The following CRCP variants were observed in gnomAD, a reference collection of about 807,000 sequenced individuals.
CRCP encodes the protein DNA-directed RNA polymerase III subunit RPC9.
Under a neutral mutation model 18.5 loss-of-function variants are expected in CRCP, and 18 were observed. The ratio of observed to expected loss-of-function variants is 0.97; its 90% CI spans 0.67 to 1.44. The LOEUF (loss-of-function observed/expected upper bound fraction) is 1.44. CRCP is among the 40% of genes most tolerant of loss of function. The pLI is 0.00. For missense variants in CRCP, 130 were observed against 176.4 expected, an observed-to-expected ratio of 0.74 and a Z score of 1.49; for synonymous variants, 53 against 62.9, an observed-to-expected ratio of 0.84 and a Z score of 0.75.
intron 4 of CRCP, among the ~76,000 whole-genome samples, chr7:66,141,968 T>C (rs1170269678): frequency 2.6e-5 from 4 of 152,098 alleles, no homozygotes; most frequent in Non-Finnish European, 5.9e-5. Flanking sequence ...GGGAACTTGC[T>C]TGGTGGTTTG....
intron 1 of CRCP, chr7:66,126,528 T>C (rs1364655408): frequency 6.6e-6 from 2 of 303,664 alleles, no homozygotes; most frequent in East Asian, 2.1e-4. Flanking sequence ...TTCTGAGTCT[T>C]GTGCTTTATC....
In CRCP at chr7:66,152,645, G is replaced by T; in HGVS notation, c.*288G>T. On this transcript the variant is annotated 3_prime_UTR_variant, in exon 6 of 6. Coordinates refer to ENST00000395326, the MANE Select transcript of CRCP (RefSeq NM_014478.5). ...TTCCTCCACGGCCTTTGCCCCAGTT[G>T]TGGGGAGGTCTCTGTGCACAGCGGG... 2.7e-6 allele frequency: 1 copy of T among 373,952 alleles called. No individual in the cohort carries two copies. The allele number at this position is 373,952 out of a possible 1,614,324, so 23.2% of individuals were successfully genotyped here.
rs1016937435 is a variant in CRCP, at chr7:66,153,497, T to C, written c.*1140T>C. On this transcript the variant is annotated 3_prime_UTR_variant, in exon 6 of 6. Transcript: ENST00000395326. ...GAAAACCTTTTTAATATTCAGGATT[T>C]GGAAAGTATAGTTGCCCCAGGCATG... 1 of 152,116 alleles carries C rather than the reference T, an allele frequency of 6.6e-6. No individual in the cohort carries two copies. Among genetic ancestry groups the C allele is most frequent in the Non-Finnish European group, 1.5e-5 (1 of 68,020 alleles). 9.4% of individuals were successfully genotyped at this position (152,116 alleles called of 1,614,324 possible). A position where few individuals can be genotyped will look rare whatever the true frequency, so the allele number is the denominator to read the frequency against.
At chr7:66,125,385 A>G (rs1258796632) in intron 1 of CRCP, among the ~76,000 whole-genome samples, 1 of 149,468 alleles carries the variant, frequency 6.7e-6, no homozygotes, top group Admixed American at 6.7e-5. Flanking sequence ...GTACCTCTTG[A>G]CATTTTATTA....
intron 5 of CRCP, among the ~76,000 whole-genome samples, chr7:66,151,717 G>GTGTGTGTGTGTGTGTGT: frequency 8.7e-6 from 1 of 114,870 alleles, no homozygotes; most frequent in Admixed American, 8.7e-5. Flanking sequence ...GTGTGTGTGT[G>GTGTGTGTGTGTGTGTGT]GTTATATAAC....
At chr7:66,128,464 A>G (rs946612416) in intron 2 of CRCP, among the ~76,000 whole-genome samples, 1 of 152,210 alleles carries the variant, frequency 6.6e-6, no homozygotes, top group Non-Finnish European at 1.5e-5. Context: ...TATACATTGC[A>G]AATAGTCTTA....
chr7:66,121,065 A>C (rs1037496320), intron 1 of CRCP, among the ~76,000 whole-genome samples: 2 of 131,690 alleles, frequency 1.5e-5, no homozygotes, highest in Non-Finnish European at 3.3e-5. Context: ...AATAATAATA[A>C]TACCTGAAAT....
intron 4 of CRCP, among the ~76,000 whole-genome samples, chr7:66,135,221 G>A (rs551405971): frequency 6.6e-6 from 1 of 152,244 alleles, no homozygotes; most frequent in African/African-American, 2.4e-5. Flanking sequence ...CTTAAAGCAG[G>A]ACCTCTCTAG....
chr7:66,144,593 G>A (rs981944660), intron 4 of CRCP, among the ~76,000 whole-genome samples: 1 of 152,084 alleles, frequency 6.6e-6, no homozygotes, highest in Non-Finnish European at 1.5e-5. Flanking sequence ...TCTGCCTTCC[G>A]TAGCTGGGAC....
At chr7:66,134,605 T>TC in intron 4 of CRCP, 1 of 323,968 alleles carries the variant, frequency 3.1e-6, no homozygotes, top group South Asian at 7.6e-5. Flanking sequence ...ACTGTATTAC[T>TC]CTGCCTGCTT....
At chr7:66,118,594 G>T (rs925351299) in intron 1 of CRCP, among the ~76,000 whole-genome samples, 1 of 152,170 alleles carries the variant, frequency 6.6e-6, no homozygotes, top group Non-Finnish European at 1.5e-5. Context: ...GGGACCCCCT[G>T]CGTATACCAA....
At chr7:66,150,763 G>C (rs1341714647) in intron 5 of CRCP, 2 of 152,182 alleles carry the variant, frequency 1.3e-5, no homozygotes, top group Non-Finnish European at 2.9e-5. Flanking sequence ...AGAGATTGCT[G>C]TGGGGAATGC....
chr7:66,129,157 C>CTAAAATA (rs960753454), intron 2 of CRCP, among the ~76,000 whole-genome samples: 9 of 152,002 alleles, frequency 5.9e-5, no homozygotes, highest in Non-Finnish European at 1.3e-4. Context: ...CACGGTGAAA[C>CTAAAATA]CCCGTCTCTA....
chr7:66,150,354 G>GAAACTCTGTCTCAAAAAAAA (rs57066308), intron 5 of CRCP, among the ~76,000 whole-genome samples: 10 of 146,558 alleles, frequency 6.8e-5, no homozygotes, highest in Admixed American at 6.8e-5. Flanking sequence ...CAACAAGAGT[G>GAAACTCTGTCTCAAAAAAAA]AAGGGGGGGA....
intron 4 of CRCP, among the ~76,000 whole-genome samples, chr7:66,137,067 G>A (rs985245591): frequency 7.3e-5 from 11 of 151,540 alleles, no homozygotes; most frequent in Admixed American, 2.0e-4. Flanking sequence ...GCGACAGAGC[G>A]AGACTGTCTC....
At chr7:66,122,596 T>A (rs1481011152) in intron 1 of CRCP, among the ~76,000 whole-genome samples, 1 of 152,146 alleles carries the variant, frequency 6.6e-6, no homozygotes, top group Non-Finnish European at 1.5e-5. Context: ...CTTAAGGAAA[T>A]TAAGTAACTG....
intron 1 of CRCP, among the ~76,000 whole-genome samples, chr7:66,115,777 G>A (rs1787241989): frequency 6.6e-6 from 1 of 152,096 alleles, no homozygotes; most frequent in Non-Finnish European, 1.5e-5. Flanking sequence ...ATGGTTATAT[G>A]TACTATGGCA....
At position 66,130,785 on chromosome 7, in the gene CRCP, A is replaced by T. The variant is rs750639365; in HGVS notation, c.87A>T (p.Glu29Asp). ...LLTDLKEQRK[E>D]SGKNKHSSGQ... ...CTGATCTGAAAGAGCAGCGTAAAGA[A>T]AGTGGAAAGAATAAACACAGCTCTG... Residue 29 changes from glutamate (E) to aspartate (D), a missense_variant, in exon 3 of 6, where the codon GAA becomes GAT. By Grantham distance (45) the Glu-to-Asp change is conservative (BLOSUM62 2). Transcript: ENST00000395326. 6.2e-7 allele frequency: 1 copy of T among 1,610,904 alleles called. No individual in the cohort carries two copies. The highest frequency in any genetic ancestry group is 8.5e-7 in the Non-Finnish European group (1 of 1,177,474).
intron 4 of CRCP, among the ~76,000 whole-genome samples, chr7:66,142,299 G>A (rs956789905): frequency 2.0e-5 from 3 of 152,094 alleles, no homozygotes; most frequent in African/African-American, 7.2e-5. Flanking sequence ...TGTCTCCCCA[G>A]CCGGTGGCCA....
Sources: allele counts gnomAD v4.1 joint callset (sites outside exome capture counted in the v4.1 genomes callset), GRCh38; gene constraint gnomAD v4.1.1; transcripts MANE v1.5; gene names NCBI Gene and HGNC (gene_info 2026-07-23, HGNC 2026-07-21).